DLGAP2: variants seen among roughly 807,000 people sequenced by gnomAD.
DLGAP2 encodes disks large-associated protein 2.
Under a neutral mutation model 100.3 loss-of-function variants are expected in DLGAP2, and 26 were observed. The ratio of observed to expected loss-of-function variants is 0.26; its 90% confidence interval spans 0.19 to 0.36. The LOEUF (loss-of-function observed/expected upper bound fraction) is 0.36. Ranked by LOEUF, DLGAP2 falls within the 10% of genes least tolerant of loss-of-function variation. The probability of loss-of-function intolerance (pLI) is 1.00; values close to 1 mark genes in which losing one functional copy is unlikely to be tolerated. For missense variants in DLGAP2, 1,858 were observed against 1,453.2 expected (o/e 1.28, Z -4.53); for synonymous variants, 886 against 630.1 (o/e 1.41, Z -6.08).
chr8:1,066,574 G>T (rs1184666959), intron 2 of DLGAP2, among the ~76,000 whole-genome samples: 1 of 149,478 alleles, frequency 6.7e-6, no homozygotes, highest in Non-Finnish European at 1.5e-5. Context: ...TCTGAGTGAG[G>T]GCAGCTCCCC....
At chr8:1,190,468 A>T (rs1797608546) in intron 2 of DLGAP2, among the ~76,000 whole-genome samples, 1 of 152,068 alleles carries the variant, frequency 6.6e-6, no homozygotes, top group South Asian at 2.1e-4. Context: ...TGACACTGAC[A>T]CTTGGTGCCG....
At chr8:1,393,041 G>C (rs1796411052) in intron 3 of DLGAP2, among the ~76,000 whole-genome samples, 1 of 51,058 alleles carries the variant, frequency 2.0e-5, no homozygotes, top group Admixed American at 2.2e-4. Flanking sequence ...GTCGTGTATT[G>C]AGTGCTTACT....
chr8:1,068,445 C>G (rs1323642464), intron 2 of DLGAP2, among the ~76,000 whole-genome samples: 1 of 152,198 alleles, frequency 6.6e-6, no homozygotes, highest in Non-Finnish European at 1.5e-5. Context: ...TCATCCACGT[C>G]CTCAGCGGCG....
Position 1,449,666 on chromosome 8 carries a change from G to C in DLGAP2, c.107-51700G>C, listed in dbSNP as rs1584915715. 2.0e-5 allele frequency among the ~76,000 whole-genome samples: 3 copies of C among 152,358 alleles called. No homozygotes were observed. The East Asian group carries it at 5.8e-4, about 29-fold the overall frequency. On this transcript the variant is annotated intron_variant, in intron 3 of 14. Coordinates refer to ENST00000637795, the MANE Select transcript of DLGAP2 (RefSeq NM_001346810.2). ...CCTGGGCCACACTTGGAAAGGTCAAGGCTTCAGCAGAAGGTGGGAGCAGGG... is the reference window on the plus strand; with the variant it reads ...CCTGGGCCACACTTGGAAAGGTCAACGCTTCAGCAGAAGGTGGGAGCAGGG...
chr8:917,177 T>C (rs930230480), intron 2 of DLGAP2, among the ~76,000 whole-genome samples: 6 of 152,060 alleles, frequency 3.9e-5, no homozygotes, highest in African/African-American at 1.4e-4. Context: ...TTTTACCCAC[T>C]AAGGTTTGGA....
intron 2 of DLGAP2, among the ~76,000 whole-genome samples, chr8:1,101,643 G>A (rs1379496363): frequency 6.6e-6 from 1 of 151,720 alleles, no homozygotes; most frequent in Admixed American, 6.6e-5. Flanking sequence ...AACATGACAC[G>A]ACGATGGGAA....
intron 2 of DLGAP2, among the ~76,000 whole-genome samples, chr8:1,156,408 C>G (rs17815470): frequency 0.13 from 20,380 of 152,162 alleles, 1,737 homozygotes; most frequent in Admixed American, 0.23. Context: ...GGCCGTGGGC[C>G]GTGGCACACA....
chr8:1,632,717 T>C (rs1563269378), intron 7 of DLGAP2, 110 bp from the exon 8 acceptor site: 3 of 1,049,164 alleles, frequency 2.9e-6, no homozygotes, highest in Non-Finnish European at 4.2e-6. Flanking sequence ...TGTGCTGAAC[T>C]ATGAGGCAGT....
intron 3 of DLGAP2, among the ~76,000 whole-genome samples, chr8:1,313,144 C>T (rs776928777): frequency 1.3e-5 from 2 of 152,180 alleles, no homozygotes; most frequent in African/African-American, 4.8e-5. Flanking sequence ...TTACCTATGT[C>T]TGTTTATATA....
At chr8:1,158,785 C>A (rs1246036530) in intron 2 of DLGAP2, among the ~76,000 whole-genome samples, 4 of 152,246 alleles carry the variant, frequency 2.6e-5, no homozygotes, top group African/African-American at 9.6e-5. Context: ...CTCCATGATT[C>A]TGTCCACATC....
chr8:1,256,434 C>G (rs1269691957), intron 2 of DLGAP2, among the ~76,000 whole-genome samples: 2,448 of 121,494 alleles, frequency 0.02, 205 homozygotes, highest in African/African-American at 0.076. Flanking sequence ...CGCTGTGCGT[C>G]TGTCCTCTCC....
intron 4 of DLGAP2, among the ~76,000 whole-genome samples, chr8:1,535,610 A>T (rs1459623966): frequency 1.2e-4 from 19 of 152,250 alleles, no homozygotes; most frequent in Non-Finnish European, 2.1e-4. Flanking sequence ...GTTTTACCAA[A>T]AATGGCAAAT....
At chr8:1,172,618 C>A (rs1487892726) in intron 2 of DLGAP2, among the ~76,000 whole-genome samples, 1 of 152,144 alleles carries the variant, frequency 6.6e-6, no homozygotes, top group Non-Finnish European at 1.5e-5. Context: ...TCCCTTCTCA[C>A]TTCATTTCAT....
chr8:1,667,562 A>G (rs1798576344), intron 8 of DLGAP2, among the ~76,000 whole-genome samples: 1 of 152,214 alleles, frequency 6.6e-6, no homozygotes. Flanking sequence ...TCTCCGTTAC[A>G]GAAACAGTAG....
At chr8:1,125,221 C>T (rs1276596835) in intron 2 of DLGAP2, among the ~76,000 whole-genome samples, 2 of 152,202 alleles carry the variant, frequency 1.3e-5, no homozygotes, top group East Asian at 1.9e-4. Context: ...TCTGTTACAC[C>T]GTCAGGGTTG....
intron 5 of DLGAP2, among the ~76,000 whole-genome samples, chr8:1,563,419 G>T (rs1802256871): frequency 1.2e-5 from 1 of 82,624 alleles, no homozygotes; most frequent in Non-Finnish European, 2.5e-5. Context: ...GGGCTGTGTG[G>T]TGTTGGGGTG....
At chr8:941,260 C>G (rs554247260) in intron 2 of DLGAP2, among the ~76,000 whole-genome samples, 43 of 152,192 alleles carry the variant, frequency 2.8e-4, no homozygotes, top group African/African-American at 1.0e-3. Context: ...TTAGCATAGA[C>G]TGAGGTTTGG....
chr8:1,116,945 T>A (rs936915066), intron 2 of DLGAP2, among the ~76,000 whole-genome samples: 1 of 152,242 alleles, frequency 6.6e-6, no homozygotes, highest in Non-Finnish European at 1.5e-5. Context: ...CAACAGCTAC[T>A]GGCTTCCTCT....
chr8:891,049 G>A (rs1212580444), intron 1 of DLGAP2, among the ~76,000 whole-genome samples: 1 of 152,076 alleles, frequency 6.6e-6, no homozygotes, highest in African/African-American at 2.4e-5. Flanking sequence ...ATGGTGGGCA[G>A]GGTGTGGCAT....
Sources: allele counts gnomAD v4.1 joint callset (sites outside exome capture counted in the v4.1 genomes callset), GRCh38; gene constraint gnomAD v4.1.1; transcripts MANE v1.5; gene names NCBI Gene and HGNC (gene_info 2026-07-23, HGNC 2026-07-21).